KCNU1: variants seen among roughly 807,000 people sequenced by gnomAD.
The protein encoded by KCNU1 is potassium channel subfamily U member 1.
Under a neutral mutation model 126.8 loss-of-function variants are expected in KCNU1, and 93 were observed. The observed-to-expected ratio is 0.73, with a 90% CI of 0.62 to 0.87. KCNU1 has a LOEUF of 0.87. KCNU1 is among the 40% of genes least tolerant of loss of function. The pLI is 0.00. For missense variants in KCNU1, 1,330 were observed against 1,367.1 expected (o/e 0.97, Z 0.43); for synonymous variants, 523 against 494.2 (o/e 1.06, Z -0.77).
chr8:36,820,003 T>A (rs547643725), intron 10 of KCNU1, among the ~76,000 whole-genome samples: 1 of 152,104 alleles, frequency 6.6e-6, no homozygotes, highest in African/African-American at 2.4e-5. Context: ...TGAGTCATCA[T>A]GTAAAAAGCC....
At chr8:36,923,450 G>A (rs547703906) in intron 24 of KCNU1, among the ~76,000 whole-genome samples, 30 of 152,278 alleles carry the variant, frequency 2.0e-4, no homozygotes, top group African/African-American at 5.8e-4. Context: ...CAGGGAAGGC[G>A]ATGTTGAGAA....
At chr8:36,898,680 C>G (rs1004517100) in intron 19 of KCNU1, among the ~76,000 whole-genome samples, 3 of 152,008 alleles carry the variant, frequency 2.0e-5, no homozygotes, top group Admixed American at 1.3e-4. Context: ...AGGTCCTTGT[C>G]CAATACACAA....
At chr8:36,833,082 C>A (rs886938722) in intron 10 of KCNU1, among the ~76,000 whole-genome samples, 2 of 152,038 alleles carry the variant, frequency 1.3e-5, no homozygotes, top group East Asian at 1.9e-4. Context: ...AGAAAAATAC[C>A]GTTTTGATAA....
intron 2 of KCNU1, among the ~76,000 whole-genome samples, chr8:36,798,034 G>A (rs897369980): frequency 3.3e-5 from 5 of 152,190 alleles, no homozygotes; most frequent in South Asian, 2.1e-4. Context: ...TCTGTGTTTC[G>A]TGTCTGTTCC....
At chr8:36,834,307 A>G (rs1804668383) in intron 11 of KCNU1, among the ~76,000 whole-genome samples, 2 of 152,340 alleles carry the variant, frequency 1.3e-5, no homozygotes, top group Non-Finnish European at 2.9e-5. Flanking sequence ...CCTGCAGTTT[A>G]GTACTGTAAG....
chr8:36,857,805 G>A (rs1402733823), intron 18 of KCNU1, among the ~76,000 whole-genome samples: 2 of 151,514 alleles, frequency 1.3e-5, no homozygotes, highest in African/African-American at 2.4e-5. Flanking sequence ...GCCACCACAT[G>A]CAGCTAATTT....
At chr8:36,896,542 A>G (rs938253300) in intron 19 of KCNU1, among the ~76,000 whole-genome samples, 14 of 152,202 alleles carry the variant, frequency 9.2e-5, no homozygotes, top group African/African-American at 3.4e-4. Context: ...AACAAAAAGT[A>G]ATAGTACAGC....
At position 36,819,900 on chromosome 8, in the gene KCNU1, A is replaced by G. The variant is rs373636324; in HGVS notation, c.1106+2140A>G. Among the ~76,000 whole-genome samples, 6 of 152,164 alleles carry G rather than the reference A, an allele frequency of 3.9e-5. No homozygotes were observed. In the East Asian group the frequency reaches 1.2e-3, roughly 29 times the overall value. On this transcript the variant is annotated intron_variant, in intron 10 of 26. Transcript: ENST00000399881. ...TTGAATCTGGGCTGACCTGTGGCTT[A>G]ATTTGATAAATAGAACACAGAAGAT... is the stretch of plus-strand genomic sequence containing the variant.
rs755936127 is a variant in KCNU1, at chr8:36,935,667, CAG to C, written c.3201_3202del (p.Glu1067AspfsTer12). ...ATTGTAAATAAAGCATCACAGACAA[CAG>C]AGACACATTCAGACACAAATTGTCC... is the stretch of plus-strand genomic sequence containing the variant. On this transcript the variant is annotated frameshift_variant, in exon 27 of 27. Coordinates refer to ENST00000399881, the MANE Select transcript of KCNU1 (RefSeq NM_001031836.3). LOFTEE classifies it low-confidence loss of function (END_TRUNC). The C allele has an allele frequency of 6.2e-7, 1 of 1,613,444 alleles. No homozygotes were observed. The highest frequency in any genetic ancestry group is 1.7e-5 in the Admixed American group (1 of 59,950).
intron 18 of KCNU1, among the ~76,000 whole-genome samples, chr8:36,860,596 A>T (rs888335094): frequency 1.3e-5 from 2 of 152,172 alleles, no homozygotes; most frequent in Non-Finnish European, 2.9e-5. Context: ...AACCAGGGCA[A>T]GGAGGGGTGC....
At chr8:36,875,660 A>G (rs1296404511) in intron 19 of KCNU1, among the ~76,000 whole-genome samples, 2 of 152,118 alleles carry the variant, frequency 1.3e-5, no homozygotes, top group Non-Finnish European at 2.9e-5. Flanking sequence ...ATTATGATTA[A>G]TACCTTTATA....
At chr8:36,935,320 C>T (rs777855305) in intron 26 of KCNU1, among the ~76,000 whole-genome samples, 195 bp from the exon 27 acceptor site, 1 of 152,112 alleles carries the variant, frequency 6.6e-6, no homozygotes, top group Non-Finnish European at 1.5e-5. Flanking sequence ...TACTCTAGAA[C>T]CTCTCCTCTT....
chr8:36,879,236 T>TATAA (rs1159310924), intron 19 of KCNU1, among the ~76,000 whole-genome samples: 1 of 143,574 alleles, frequency 7.0e-6, no homozygotes. Flanking sequence ...TATATATATA[T>TATAA]ATACACACAC....
chr8:36,822,524 C>CA (rs1328269685), intron 10 of KCNU1, among the ~76,000 whole-genome samples: 7 of 152,110 alleles, frequency 4.6e-5, no homozygotes, highest in Non-Finnish European at 7.4e-5. Context: ...AGATTCTATA[C>CA]AAAAATACAT....
intron 19 of KCNU1, among the ~76,000 whole-genome samples, chr8:36,893,242 G>A (rs1807045697): frequency 6.6e-6 from 1 of 151,158 alleles, no homozygotes; most frequent in South Asian, 2.1e-4. Flanking sequence ...CCAAAGTGCT[G>A]GGATTACAGG....
At chr8:36,878,160 T>C (rs1563310793) in intron 19 of KCNU1, among the ~76,000 whole-genome samples, 1 of 152,172 alleles carries the variant, frequency 6.6e-6, no homozygotes, top group Non-Finnish European at 1.5e-5. Flanking sequence ...AAAAGCTGAT[T>C]TAGCAATAAA....
intron 14 of KCNU1, among the ~76,000 whole-genome samples, chr8:36,838,373 A>T (rs1804829675): frequency 6.6e-6 from 1 of 152,118 alleles, no homozygotes; most frequent in Non-Finnish European, 1.5e-5. Context: ...GGGATGTAAA[A>T]CCATCCTCTT....
chr8:36,845,551 A>G, intron 16 of KCNU1, 29 bp from the exon 17 acceptor site: 1 of 1,345,072 alleles, frequency 7.4e-7, no homozygotes, highest in South Asian at 1.2e-5. Context: ...AGAGGGAAAC[A>G]TTACCATGTG....
intron 22 of KCNU1, among the ~76,000 whole-genome samples, chr8:36,912,761 G>A (rs967133123): frequency 2.6e-5 from 4 of 152,016 alleles, no homozygotes; most frequent in African/African-American, 9.7e-5. Context: ...CACAAGGTCA[G>A]GAGATTGAGA....
Sources: allele counts gnomAD v4.1 joint callset (sites outside exome capture counted in the v4.1 genomes callset), GRCh38; gene constraint gnomAD v4.1.1; transcripts MANE v1.5; gene names NCBI Gene and HGNC (gene_info 2026-07-23, HGNC 2026-07-21).